The following PCDHA1 variants were observed in gnomAD, a reference collection of about 807,000 sequenced individuals.
PCDHA1 encodes the protein protocadherin alpha 1.
In PCDHA1, 42 loss-of-function variants were observed where a neutral mutation model predicts 61.3. The observed-to-expected ratio is 0.69, with a 90% CI of 0.54 to 0.89. The LOEUF (loss-of-function observed/expected upper bound fraction) is 0.89, where lower values mean the gene tolerates loss of function less well. Ranked by LOEUF, PCDHA1 falls within the 40% of genes least tolerant of loss-of-function variation. PCDHA1 has a pLI of 0.00. For missense variants in PCDHA1, 1,256 were observed against 1,235.3 expected (o/e 1.02, Z -0.25); for synonymous variants, 610 against 553.8 (o/e 1.10, Z -1.43).
At chr5:140,795,590 A>G in intron 1 of PCDHA1, 1 of 1,614,170 alleles carries the variant, frequency 6.2e-7, no homozygotes, top group Non-Finnish European at 8.5e-7. Context: ...GCTGAGGTTA[A>G]TTTGTTACTG....
intron 1 of PCDHA1, chr5:140,797,165 C>T (rs1320062753): frequency 6.2e-7 from 1 of 1,614,054 alleles, no homozygotes; most frequent in Non-Finnish European, 8.5e-7. Flanking sequence ...GCGCGCGCGC[C>T]AGGAAAGCCC....
intron 1 of PCDHA1, among the ~76,000 whole-genome samples, chr5:140,900,909 G>T (rs1470878423): frequency 1.3e-5 from 2 of 152,184 alleles, no homozygotes; most frequent in Middle Eastern, 3.4e-3. Context: ...TTTAACTGTG[G>T]TAAGATGATA....
In PCDHA1 at chr5:141,011,549, GA is replaced by G. The variant is rs2098421039; in HGVS notation, c.*1615del. Reference sequence around the variant, plus strand: ...CCATTGTTAATCAGCTTTTGTGTATGAAAGACACAGTAAAATTTCTTTCTTA... The same window carrying G: ...CCATTGTTAATCAGCTTTTGTGTATGAAGACACAGTAAAATTTCTTTCTTA... On this transcript the variant is annotated 3_prime_UTR_variant, in exon 4 of 4. Coordinates refer to ENST00000504120, the MANE Select transcript of PCDHA1 (RefSeq NM_018900.4). 1 of 153,674 alleles carries G rather than the reference GA, an allele frequency of 6.5e-6. No individual in the cohort carries two copies. Among genetic ancestry groups the G allele is most frequent in the Non-Finnish European group, 1.5e-5 (1 of 68,008 alleles). The allele number at this position is 153,674 out of a possible 1,614,324, so 9.5% of individuals were successfully genotyped here. A position where few individuals can be genotyped will look rare whatever the true frequency, so the allele number is the denominator to read the frequency against.
intron 3 of PCDHA1, among the ~76,000 whole-genome samples, chr5:141,000,339 A>ATC (rs1414297743): frequency 9.8e-6 from 1 of 102,338 alleles, no homozygotes; most frequent in Non-Finnish European, 2.1e-5. Context: ...GCAAGGCCCT[A>ATC]TCTCTCTCTC....
chr5:140,959,141 C>G (rs936183508), intron 1 of PCDHA1, among the ~76,000 whole-genome samples: 1 of 151,924 alleles, frequency 6.6e-6, no homozygotes, highest in Admixed American at 6.6e-5. Context: ...CTTTGGGAGG[C>G]CAAAGTGGGC....
intron 1 of PCDHA1, chr5:140,834,131 C>A (rs2150213699): frequency 6.7e-6 from 3 of 446,202 alleles, no homozygotes; most frequent in South Asian, 5.1e-5. Context: ...AACTTTTCAT[C>A]TGATTAATAG....
intron 1 of PCDHA1, chr5:140,853,187 G>A: frequency 1.0e-6 from 1 of 979,936 alleles, no homozygotes; most frequent in Non-Finnish European, 1.2e-6. Flanking sequence ...CCTAAAATGT[G>A]TTCTTTATTA....
intron 1 of PCDHA1, among the ~76,000 whole-genome samples, chr5:140,943,588 T>C (rs1179171934): frequency 1.3e-5 from 2 of 152,176 alleles, no homozygotes; most frequent in Non-Finnish European, 2.9e-5. Context: ...TGAGTGGGGC[T>C]GAATTCTAAA....
Position 140,836,433 on chromosome 5 carries a change from T to C in PCDHA1, c.2394+47749T>C, listed in dbSNP as rs2150260977. The C allele has an allele frequency of 1.3e-4, 215 of 1,613,692 alleles. 2 individuals are homozygous for C. Among genetic ancestry groups the C allele is most frequent in the Non-Finnish European group, 2.4e-5 (28 of 1,179,856 alleles). ...ACCAAAGGCGTCGTCGCGGGCATCG[T>C]TGGGCATTGCAGGCCCAGAGACCGA... On this transcript the variant is annotated intron_variant, in intron 1 of 3. Transcript: ENST00000504120.
intron 1 of PCDHA1, 175 bp downstream of exon 1, chr5:140,788,859 A>G (rs1761499217): frequency 2.1e-5 from 29 of 1,363,042 alleles, no homozygotes; most frequent in Non-Finnish European, 2.8e-5. Context: ...ATGGAACTAG[A>G]AAGCAAAGAA....
At chr5:140,848,181 G>A (rs1434722378) in intron 1 of PCDHA1, 4 of 268,526 alleles carry the variant, frequency 1.5e-5, no homozygotes, top group Admixed American at 1.5e-4. Context: ...CAAGAGAAAC[G>A]GGATCTTCTG....
chr5:140,809,507 C>A, intron 1 of PCDHA1: 1 of 1,614,192 alleles, frequency 6.2e-7, no homozygotes, highest in Non-Finnish European at 8.5e-7. Context: ...GGCCTTCAGC[C>A]CCAGTTTACC....
intron 1 of PCDHA1, chr5:140,796,296 G>T (rs1554119822): frequency 8.1e-6 from 13 of 1,614,172 alleles, no homozygotes; most frequent in Non-Finnish European, 1.1e-5. Context: ...TGTCCATCGA[G>T]GTGGCCGACG....
At chr5:140,828,815 T>C (rs2150159326) in intron 1 of PCDHA1, 1 of 1,614,204 alleles carries the variant, frequency 6.2e-7, no homozygotes, top group South Asian at 1.1e-5. Context: ...TGCTCCCACT[T>C]TCGAACAGTC....
In PCDHA1 at chr5:141,012,200, T is replaced by A. The variant is rs2098423248; in HGVS notation, c.*2263T>A. On this transcript the variant is annotated 3_prime_UTR_variant, in exon 4 of 4. Coordinates refer to ENST00000504120, the MANE Select transcript of PCDHA1 (RefSeq NM_018900.4). The stretch of plus-strand genomic sequence containing the variant: ...TAATTATAATGTATCTGTACAGCAC[T>A]TTTTACATTTGCGAAGTGCTTTCCA... 6.5e-6 allele frequency: 1 copy of A among 153,778 alleles called. No homozygotes were observed. The highest frequency in any genetic ancestry group is 1.5e-5 in the Non-Finnish European group (1 of 68,048). 9.5% of individuals were successfully genotyped at this position (153,778 alleles called of 1,614,324 possible). A position where few individuals can be genotyped will look rare whatever the true frequency, so the allele number is the denominator to read the frequency against.
intron 1 of PCDHA1, chr5:140,828,088 T>A (rs2150150812): frequency 6.3e-7 from 1 of 1,592,494 alleles, no homozygotes; most frequent in Non-Finnish European, 8.6e-7. Context: ...CAGAGGTATT[T>A]GACATGGTGT....
intron 1 of PCDHA1, among the ~76,000 whole-genome samples, chr5:140,826,807 G>A (rs1769059412): frequency 6.6e-6 from 1 of 152,146 alleles, no homozygotes; most frequent in African/African-American, 2.4e-5. Context: ...TACCTAACAT[G>A]TGATTACATA....
At chr5:140,994,817 T>C (rs1362838008) in intron 3 of PCDHA1, among the ~76,000 whole-genome samples, 3 of 152,068 alleles carry the variant, frequency 2.0e-5, no homozygotes, top group African/African-American at 7.2e-5. Context: ...TACAAAAAAC[T>C]GAATTGTGTA....
intron 1 of PCDHA1, among the ~76,000 whole-genome samples, chr5:140,963,754 T>C (rs190216638): frequency 2.3e-4 from 35 of 152,374 alleles, no homozygotes; most frequent in Admixed American, 7.2e-4. Flanking sequence ...TGATAATAAA[T>C]TGTTGTATTT....
Sources: gnomAD v4.1 joint callset for allele counts (sites outside exome capture counted in the v4.1 genomes callset) on GRCh38, gnomAD v4.1.1 for gene constraint, MANE v1.5 for transcripts, NCBI Gene and HGNC (gene_info 2026-07-23, HGNC 2026-07-21) for gene names.